The following VAV2 variants were observed in gnomAD, a reference collection of about 807,000 sequenced individuals.
The protein encoded by VAV2 is vav guanine nucleotide exchange factor 2.
Under a neutral mutation model 132.5 loss-of-function variants are expected in VAV2, and 67 were observed. That is an observed-to-expected ratio of 0.51 (90% confidence interval 0.42 to 0.62). The LOEUF (loss-of-function observed/expected upper bound fraction) is 0.62, where lower values mean the gene tolerates loss of function less well. Ranked by LOEUF, VAV2 falls within the 20% of genes least tolerant of loss-of-function variation. VAV2 has a pLI of 0.00. For synonymous variants in VAV2, 492 were observed against 443.5 expected (o/e 1.11, Z -1.37); for missense variants, 938 against 1,153.6 (o/e 0.81, Z 2.71).
intron 5 of VAV2, among the ~76,000 whole-genome samples, chr9:133,810,731 G>A (rs1310866358): frequency 8.5e-6 from 1 of 117,862 alleles, no homozygotes; most frequent in Non-Finnish European, 1.7e-5. Flanking sequence ...TTTTCTCAAA[G>A]AGGTCTGAGA....
chr9:133,907,415 T>C (rs1193919345), intron 2 of VAV2, among the ~76,000 whole-genome samples: 2 of 152,156 alleles, frequency 1.3e-5, no homozygotes, highest in South Asian at 2.1e-4. Context: ...TTGTCCCTCA[T>C]ACAAAAGACA....
At chr9:133,798,645 C>G (rs574096468) in intron 9 of VAV2, among the ~76,000 whole-genome samples, 1 of 152,334 alleles carries the variant, frequency 6.6e-6, no homozygotes, top group African/African-American at 2.4e-5. Flanking sequence ...ACCGACAGGG[C>G]AGTCCCAAAG....
chr9:133,936,986 T>G (rs936545226), intron 2 of VAV2, among the ~76,000 whole-genome samples: 1 of 152,234 alleles, frequency 6.6e-6, no homozygotes. Flanking sequence ...AGCTGGTAAG[T>G]TGAATAATGA....
chr9:133,917,244 G>A (rs1458421968), intron 2 of VAV2, among the ~76,000 whole-genome samples: 2 of 152,074 alleles, frequency 1.3e-5, no homozygotes, highest in African/African-American at 2.4e-5. Context: ...TGTTCCTGAT[G>A]TGAACCCATT....
intron 1 of VAV2, among the ~76,000 whole-genome samples, chr9:133,988,310 CA>C (rs1842918453): frequency 6.6e-6 from 1 of 152,150 alleles, no homozygotes; most frequent in Non-Finnish European, 1.5e-5. Flanking sequence ...GGACATCCCT[CA>C]GAAAGTCCAC....
At chr9:133,798,910 T>C (rs1008450397) in intron 9 of VAV2, among the ~76,000 whole-genome samples, 1 of 152,166 alleles carries the variant, frequency 6.6e-6, no homozygotes, top group Non-Finnish European at 1.5e-5. Context: ...CAGGGCTGTG[T>C]GTTGGTGTCT....
chr9:133,984,989 C>A (rs771908274), intron 1 of VAV2, among the ~76,000 whole-genome samples: 5 of 151,770 alleles, frequency 3.3e-5, no homozygotes, highest in Non-Finnish European at 5.9e-5. Context: ...TTTATTGCAG[C>A]CACCAAAATT....
chr9:133,793,564 C>A (rs759519748), intron 12 of VAV2, among the ~76,000 whole-genome samples: 2 of 152,178 alleles, frequency 1.3e-5, no homozygotes, highest in Non-Finnish European at 2.9e-5. Context: ...CAGGACCACC[C>A]CCCTCCCAAA....
At chr9:133,852,661 C>A (rs1322258816) in intron 3 of VAV2, among the ~76,000 whole-genome samples, 1 of 152,076 alleles carries the variant, frequency 6.6e-6, no homozygotes, top group Non-Finnish European at 1.5e-5. Flanking sequence ...GCCAGGCTGC[C>A]AGCCCTGCTT....
rs994397821 is a variant in VAV2 at position 133,935,040 on chromosome 9, ACCCCAGAC to A, written c.321+4055_321+4062del. Among the ~76,000 whole-genome samples the A allele has an allele frequency of 3.0e-5, 2 of 66,166 alleles. No homozygotes were observed. Among genetic ancestry groups the A allele is most frequent in the Non-Finnish European group, 6.1e-5 (2 of 32,998 alleles). The allele number at this position is 66,166 out of a possible 152,430, so 43.4% of individuals were successfully genotyped here. A position where few individuals can be genotyped will look rare whatever the true frequency, so the allele number is the denominator to read the frequency against. On this transcript the variant is annotated intron_variant, in intron 2 of 29. Coordinates refer to ENST00000371850, the MANE Select transcript of VAV2 (RefSeq NM_001134398.2). This position sits in a 1 kb window ranked among gnomAD's most constrained non-coding sequence, Gnocchi z 5.2. ...CGGTTACCCCTGACCAGCCCCACCC[ACCCCAGAC>A]GACAGTCAGTTCTGACTGCAGAGCT...
Position 133,864,540 on chromosome 9 carries a change from G to A in VAV2, c.322-3108C>T, listed in dbSNP as rs57123726. 6.0e-3 allele frequency among the ~76,000 whole-genome samples: 918 copies of A among 152,296 alleles called. 7 individuals carry two copies. Among genetic ancestry groups the A allele is most frequent in the Middle Eastern group, 0.01 (3 of 294 alleles). On this transcript the variant is annotated intron_variant, in intron 2 of 29. Transcript: ENST00000371850. ...CTCTGACCTCAGGTTCCAAGACACCGGCAGCCCGTCAGCCTCCACACAGCC... is the reference window on the plus strand; with the variant it reads ...CTCTGACCTCAGGTTCCAAGACACCAGCAGCCCGTCAGCCTCCACACAGCC...
At chr9:133,789,120 G>A in intron 14 of VAV2, 138 bp downstream of exon 14, 2 of 925,294 alleles carry the variant, frequency 2.2e-6, no homozygotes, top group Non-Finnish European at 3.3e-6. Flanking sequence ...AATTAAAACT[G>A]AACAACACAA....
At chr9:133,844,091 G>A (rs1011644606) in intron 3 of VAV2, among the ~76,000 whole-genome samples, 3 of 152,200 alleles carry the variant, frequency 2.0e-5, no homozygotes, top group Non-Finnish European at 4.4e-5. Flanking sequence ...CAAGGCAGAG[G>A]AAGACACGGA....
chr9:133,819,027 G>C (rs1227315783), intron 4 of VAV2, among the ~76,000 whole-genome samples: 4 of 152,114 alleles, frequency 2.6e-5, no homozygotes, highest in African/African-American at 7.2e-5. Flanking sequence ...TTACAGGCAT[G>C]AGCCACTGTG....
intron 2 of VAV2, among the ~76,000 whole-genome samples, chr9:133,864,410 C>T (rs989604017): frequency 7.9e-5 from 12 of 152,232 alleles, no homozygotes; most frequent in Admixed American, 5.9e-4. Context: ...GTGAGACTCA[C>T]TGAGGAACGA....
chr9:133,851,905 A>G (rs867863731), intron 3 of VAV2, among the ~76,000 whole-genome samples: 5 of 136,352 alleles, frequency 3.7e-5, no homozygotes, highest in South Asian at 2.2e-4. Flanking sequence ...GGATGGATGG[A>G]TGGGTGGATG....
At chr9:133,974,389 C>G (rs12337823) in intron 1 of VAV2, among the ~76,000 whole-genome samples, 3 of 152,122 alleles carry the variant, frequency 2.0e-5, no homozygotes, top group African/African-American at 7.2e-5. Context: ...GAGGCAGCCA[C>G]TCGCCGGGTG....
At chr9:133,800,964 C>T (rs1328887741) in intron 9 of VAV2, among the ~76,000 whole-genome samples, 1 of 152,234 alleles carries the variant, frequency 6.6e-6, no homozygotes, top group Non-Finnish European at 1.5e-5. Flanking sequence ...CAAAGGGCAG[C>T]AGGTAGAGGC....
At chr9:133,909,901 GGCT>G (rs1712173161) in intron 2 of VAV2, among the ~76,000 whole-genome samples, 1 of 152,178 alleles carries the variant, frequency 6.6e-6, no homozygotes, top group Non-Finnish European at 1.5e-5. Context: ...TCCTTCGCTT[GGCT>G]GCTCACAGGG....
Sources: allele counts gnomAD v4.1 joint callset (sites outside exome capture counted in the v4.1 genomes callset), GRCh38; gene constraint gnomAD v4.1.1; non-coding constraint Gnocchi (gnomAD v3.1); transcripts MANE v1.5; gene names NCBI Gene and HGNC (gene_info 2026-07-23, HGNC 2026-07-21).